Variants in AATK observed in about 807,000 individuals in gnomAD.
AATK encodes serine/threonine-protein kinase LMTK1.
AATK carries 91 observed loss-of-function variants against 114.3 expected under a neutral mutation model. That is an observed-to-expected ratio of 0.80 (90% confidence interval 0.67 to 0.95). The LOEUF (loss-of-function observed/expected upper bound fraction) is 0.95, where lower values mean the gene tolerates loss of function less well. Among genes scored for constraint, AATK ranks in the 40% least tolerant of loss-of-function variants. The pLI is 0.00. For synonymous variants in AATK, 1,075 were observed against 916.5 expected (o/e 1.17, Z -3.12); for missense variants, 2,176 against 1,965.2 (o/e 1.11, Z -2.03).
chr17:81,144,601 G>A (rs56193570), intron 1 of AATK, among the ~76,000 whole-genome samples: 2,060 of 152,356 alleles, frequency 0.014, 20 homozygotes, highest in Non-Finnish European at 0.021. Context: ...CCGCACCCCC[G>A]GCCATTCACA....
chr17:81,165,715 A>C, intron 1 of AATK: 1 of 1,520,578 alleles, frequency 6.6e-7, no homozygotes. Context: ...AGTCACGACC[A>C]CGCGGGGGAC....
chr17:81,118,846 G>A (rs1027674941), intron 13 of AATK, among the ~76,000 whole-genome samples: 17 of 152,202 alleles, frequency 1.1e-4, no homozygotes, highest in Non-Finnish European at 4.4e-5. Context: ...AGCTGGCAGG[G>A]GGCCTTCTCC....
At chr17:81,162,805 C>T (rs927020675) in intron 1 of AATK, among the ~76,000 whole-genome samples, 7 of 152,110 alleles carry the variant, frequency 4.6e-5, no homozygotes, top group African/African-American at 7.2e-5. Context: ...GGAGACAGGG[C>T]GTGAGCTGAG....
At chr17:81,144,247 G>T (rs767074682) in intron 1 of AATK, among the ~76,000 whole-genome samples, 1 of 152,222 alleles carries the variant, frequency 6.6e-6, no homozygotes, top group Non-Finnish European at 1.5e-5. Flanking sequence ...CCCCCAAAAT[G>T]TCCCCAAATC....
At position 81,158,408 on chromosome 17, in the gene AATK, C is replaced by T. The variant is rs77449365; in HGVS notation, c.55+7530G>A. Among the ~76,000 whole-genome samples, 110 of 152,348 alleles carry T rather than the reference C, an allele frequency of 7.2e-4. 2 individuals are homozygous for T. The East Asian group carries it at 0.02, about 28-fold the overall frequency. On this transcript the variant is annotated intron_variant, in intron 1 of 13. Coordinates refer to ENST00000326724, the MANE Select transcript of AATK (RefSeq NM_001080395.3). ...GGCGGTGTGCTGGTCAGTGTCTGCA[C>T]CCAGCTCCCTGGGAAGGAAAGCGGG... is the stretch of plus-strand genomic sequence containing the variant.
chr17:81,126,098 T>C lies in AATK; in HGVS notation c.755+329A>G. Reference sequence around the variant, plus strand: ...AGGGTCCTTCGAAGCAGGGTCTGTCTCCCTCAAGCCCCAAAGCGAGGGCTT... The same window carrying C: ...AGGGTCCTTCGAAGCAGGGTCTGTCCCCCTCAAGCCCCAAAGCGAGGGCTT... On this transcript the variant is annotated intron_variant, in intron 7 of 13. Transcript: ENST00000326724. The surrounding 1 kb of genome is among the most constrained non-coding windows in gnomAD (Gnocchi z 5.1). 1 of 503,014 alleles carries C rather than the reference T, an allele frequency of 2.0e-6. No individual in the cohort carries two copies. The highest frequency in any genetic ancestry group is 3.9e-6 in the Non-Finnish European group (1 of 256,364). 31.2% of individuals were successfully genotyped at this position (503,014 alleles called of 1,614,324 possible).
chr17:81,124,293 G>A (rs972823122), intron 9 of AATK, among the ~76,000 whole-genome samples: 122 of 152,280 alleles, frequency 8.0e-4, no homozygotes, highest in African/African-American at 1.8e-3. Flanking sequence ...AACGCTCCGG[G>A]CTAGGCACTC....
chr17:81,118,277 A>G lies in AATK; in HGVS notation c.*125T>C. 1 of 964,578 alleles carries G rather than the reference A, an allele frequency of 1.0e-6. No homozygotes were observed. Among genetic ancestry groups the G allele is most frequent in the Non-Finnish European group, 1.6e-6 (1 of 635,788 alleles). The allele number at this position is 964,578 out of a possible 1,614,324, so 59.8% of individuals were successfully genotyped here. On this transcript the variant is annotated 3_prime_UTR_variant, in exon 14 of 14. Transcript: ENST00000326724. ...TTCTCCAGGACACCGCGTGGGGCAGAGGCACCTGAATCTGCTGCCAACAGC... is the reference window on the plus strand; with the variant it reads ...TTCTCCAGGACACCGCGTGGGGCAGGGGCACCTGAATCTGCTGCCAACAGC...
intron 12 of AATK, 93 bp downstream of exon 12, chr17:81,119,843 C>T: frequency 7.2e-7 from 1 of 1,384,080 alleles, no homozygotes; most frequent in Admixed American, 3.4e-5. Context: ...GGTGCTCCTC[C>T]CATGATGTCA....
chr17:81,144,033 T>TGGCCAGCAC (rs1455500465), intron 1 of AATK, among the ~76,000 whole-genome samples: 1 of 151,952 alleles, frequency 6.6e-6, no homozygotes, highest in African/African-American at 2.4e-5. Flanking sequence ...GTGGCCAGGG[T>TGGCCAGCAC]GGCCAGCACA....
rs1020924859 is a variant in AATK at position 81,153,348 on chromosome 17, T to C, written c.55+12590A>G. Reference sequence around the variant, plus strand: ...ACCATGACAGATTTGGAATTAGGTGTGATCAAGGCTTCTAACAGTCAATTT... The same window carrying C: ...ACCATGACAGATTTGGAATTAGGTGCGATCAAGGCTTCTAACAGTCAATTT... On this transcript the variant is annotated intron_variant, in intron 1 of 13. Coordinates refer to ENST00000326724, the MANE Select transcript of AATK (RefSeq NM_001080395.3). Among the ~76,000 whole-genome samples, 6 of 152,204 alleles carry C rather than the reference T, an allele frequency of 3.9e-5. No individual in the cohort carries two copies. In the East Asian group the frequency reaches 1.2e-3, roughly 29 times the overall value.
chr17:81,122,181 G>A lies in AATK; in HGVS notation c.1755C>T (p.Asp585=), dbSNP rs1348252079. ...AGTGGTCGCCGCGGCCCCAGGGGAC[G>A]TCGACGGGTGGCCCGTGGCCCAGCA... is the stretch of plus-strand genomic sequence containing the variant. ...EPLLGHGPPV[D]VPWGRGDHYP... is the part of the protein sequence containing the mutation. Residue 585 remains aspartate, a synonymous_variant, in exon 11 of 14, where the codon GAC becomes GAT. Coordinates refer to ENST00000326724, the MANE Select transcript of AATK (RefSeq NM_001080395.3). 7 of 1,509,338 alleles carry A rather than the reference G, an allele frequency of 4.6e-6. No homozygotes were observed. The highest frequency in any genetic ancestry group is 4.2e-5 in the African/African-American group (3 of 71,934). 93.5% of individuals were successfully genotyped at this position (1,509,338 alleles called of 1,614,324 possible).
At chr17:81,158,923 CT>C (rs1033044543) in intron 1 of AATK, among the ~76,000 whole-genome samples, 4 of 152,172 alleles carry the variant, frequency 2.6e-5, no homozygotes, top group South Asian at 2.1e-4. Flanking sequence ...ACCAGCACCC[CT>C]GATCCCTGGG....
chr17:81,133,723 G>T (rs2060970223), intron 2 of AATK, among the ~76,000 whole-genome samples: 1 of 152,200 alleles, frequency 6.6e-6, no homozygotes, highest in Non-Finnish European at 1.5e-5. Context: ...TTTGCAGGGG[G>T]AGGAGCAGTG....
rs2060707617 is a variant in AATK at position 81,122,133 on chromosome 17, C to G, written c.1803G>C (p.Arg601=). ...GAGAGCGTGAGGGGCAGAGCGGGTC[C>G]CGCGCCAAGCTTCTGCGAGGGTAGT... ...GDHYPRRSLA[R]DPLCPSRSPS... is the part of the protein sequence containing the mutation. The change falls in exon 11 of 14, where the codon CGG becomes CGC. Residue 601 remains arginine, a synonymous_variant. Coordinates refer to ENST00000326724, the MANE Select transcript of AATK (RefSeq NM_001080395.3). The G allele has an allele frequency of 2.0e-6, 3 of 1,534,280 alleles. No homozygotes were observed. The highest frequency in any genetic ancestry group is 2.6e-6 in the Non-Finnish European group (3 of 1,142,454).
rs55846463 is a variant in AATK at position 81,121,842 on chromosome 17, G to C, written c.2094C>G (p.Pro698=). The C allele has an allele frequency of 1.8e-5, 28 of 1,594,546 alleles. No homozygotes were observed. The East Asian group carries it at 5.8e-4, about 33-fold the overall frequency. Residue 698 remains proline, a synonymous_variant, in exon 11 of 14, where the codon CCC becomes CCG. Coordinates refer to ENST00000326724, the MANE Select transcript of AATK (RefSeq NM_001080395.3). ...CCTCAGCGTGGCCGCCCGCAGAGACGGGGTCCCAGGACTCTGGACAGCGGC... is the reference window on the plus strand; with the variant it reads ...CCTCAGCGTGGCCGCCCGCAGAGACCGGGTCCCAGGACTCTGGACAGCGGC... ...SGSRCPESWD[P]VSAGGHAEGC... is the part of the protein sequence containing the mutation.
At chr17:81,141,448 C>G (rs999945705) in intron 1 of AATK, among the ~76,000 whole-genome samples, 12 of 152,108 alleles carry the variant, frequency 7.9e-5, no homozygotes, top group African/African-American at 2.2e-4. Flanking sequence ...CTCTGTCCCC[C>G]CCAAAAGAAA....
At chr17:81,130,157 G>A (rs1453236778) in intron 3 of AATK, among the ~76,000 whole-genome samples, 1 of 152,232 alleles carries the variant, frequency 6.6e-6, no homozygotes, top group East Asian at 1.9e-4. Flanking sequence ...AACAGGCCCT[G>A]GTGCCAACAG....
Position 81,119,577 on chromosome 17 carries a change from C to G in AATK, c.3887G>C (p.Gly1296Ala), listed in dbSNP as rs1295289202. 2 of 1,565,430 alleles carry G rather than the reference C, an allele frequency of 1.3e-6. No individual in the cohort carries two copies. The highest frequency in any genetic ancestry group is 2.4e-5 in the East Asian group (1 of 41,104). ...SPNGSTAEEG[G>A]GFAWDDDFPL... is the part of the protein sequence containing the mutation. ...GAAGTCGTCGTCCCACGCGAACCCA[C>G]CACCTGCAGCCCAGGTCGCGGCGTC... is the stretch of plus-strand genomic sequence containing the variant. Residue 1296 changes from glycine (G) to alanine (A), a missense_variant, in exon 13 of 14, where the codon GGT (glycine) becomes GCT (alanine). Transcript: ENST00000326724.
Sources: gnomAD v4.1 joint callset for allele counts (sites outside exome capture counted in the v4.1 genomes callset) on GRCh38, gnomAD v4.1.1 for gene constraint, Gnocchi (gnomAD v3.1) non-coding constraint, MANE v1.5 for transcripts, NCBI Gene and HGNC (gene_info 2026-07-23, HGNC 2026-07-21) for gene names.